The following ZAP70 variants were observed in gnomAD, a reference collection of about 807,000 sequenced individuals.
The protein encoded by ZAP70 is tyrosine-protein kinase ZAP-70.
Under a neutral mutation model 65.8 loss-of-function variants are expected in ZAP70, and 27 were observed. The observed-to-expected ratio is 0.41, with a 90% CI of 0.30 to 0.57. The LOEUF (loss-of-function observed/expected upper bound fraction) is 0.57. ZAP70 is among the 20% of genes least tolerant of loss of function. The pLI is 0.28. For missense variants in ZAP70, 696 were observed against 870.5 expected, an observed-to-expected ratio of 0.80 and a Z score of 2.52; for synonymous variants, 363 against 360.8, an observed-to-expected ratio of 1.01 and a Z score of -0.07.
chr2:97,738,485 C>G (rs1678004505), intron 13 of ZAP70: 3 of 323,250 alleles, frequency 9.3e-6, no homozygotes, highest in Non-Finnish European at 1.2e-5. Context: ...CACCAGCCAG[C>G]ACACAGCACC....
In ZAP70 at chr2:97,733,147, AGGCGGACG is replaced by A. The variant is rs1380109604; in HGVS notation, c.729_736del (p.Asp244HisfsTer49). The A allele has an allele frequency of 6.2e-7, 1 of 1,613,808 alleles. No individual in the cohort carries two copies. The highest frequency in any genetic ancestry group is 8.5e-7 in the Non-Finnish European group (1 of 1,180,016). On this transcript the variant is annotated frameshift_variant, in exon 6 of 14. Transcript: ENST00000264972. LOFTEE classifies it high-confidence loss of function. ...CAGCTGGTGGAGTATCTGAAGCTGAAGGCGGACGGGCTCATCTACTGCCTGAAGGAGGC... is the reference window on the plus strand; with the variant it reads ...CAGCTGGTGGAGTATCTGAAGCTGAAGGCTCATCTACTGCCTGAAGGAGGC...
intron 4 of ZAP70, among the ~76,000 whole-genome samples, chr2:97,729,686 T>C (rs2104677886): frequency 6.6e-6 from 1 of 152,104 alleles, no homozygotes; most frequent in Middle Eastern, 3.4e-3. Context: ...AAGTGCAAGT[T>C]CCAACTGCAA....
rs944986973 is a variant in ZAP70 at position 97,736,934 on chromosome 2, G to A, written c.1290-539G>A. ...AGGACAAGACAGTGGGAGACAGGAG[G>A]GAGCGAGGGCCTGGGCGGAGCTGAC... On this transcript the variant is annotated intron_variant, in intron 10 of 13. Transcript: ENST00000264972. The surrounding 1 kb of genome is among the most constrained non-coding windows in gnomAD (Gnocchi z 4.0). Among the ~76,000 whole-genome samples, 2 of 152,132 alleles carry A rather than the reference G, an allele frequency of 1.3e-5. No individual in the cohort carries two copies. The highest frequency in any genetic ancestry group is 6.5e-5 in the Admixed American group (1 of 15,278).
intron 13 of ZAP70, 49 bp downstream of exon 13, chr2:97,738,156 C>T (rs1677988766): frequency 1.5e-5 from 23 of 1,520,930 alleles, no homozygotes; most frequent in Non-Finnish European, 2.1e-5. Flanking sequence ...CCTGGAAAGT[C>T]CTGGTGCCCG....
chr2:97,729,033 G>A (rs1186146939), intron 4 of ZAP70, among the ~76,000 whole-genome samples: 5 of 152,240 alleles, frequency 3.3e-5, no homozygotes, highest in Non-Finnish European at 5.9e-5. Flanking sequence ...GATCACAGGC[G>A]TGAGCCACCG....
chr2:97,732,894 G>T lies in ZAP70; in HGVS notation c.575G>T (p.Arg192Leu). Residue 192 changes from arginine to leucine, a missense_variant, in exon 5 of 14, where the codon CGG becomes CTG. Coordinates refer to ENST00000264972, the MANE Select transcript of ZAP70 (RefSeq NM_001079.4). ...QTDGKFLLRP[R>L]KEQGTYALSL... ...CCTTCCCCTGCCAGGCTGAGGCCGC[G>T]GAAGGAGCAGGGCACATACGCCCTG... 6.2e-7 allele frequency: 1 copy of T among 1,613,938 alleles called. No homozygotes were observed. Among genetic ancestry groups the T allele is most frequent in the Non-Finnish European group, 8.5e-7 (1 of 1,180,028 alleles).
chr2:97,716,151 T>G (rs1050782845), intron 2 of ZAP70, among the ~76,000 whole-genome samples: 3 of 152,082 alleles, frequency 2.0e-5, no homozygotes, highest in Non-Finnish European at 4.4e-5. Context: ...GCAGCGCAGT[T>G]CTGGGCTGAG....
the ZAP70 span, among the ~76,000 whole-genome samples, chr2:97,746,945 T>C: frequency 3.3e-5 from 5 of 152,166 alleles, no homozygotes; most frequent in Non-Finnish European, 5.9e-5. Context: ...AGACATACCA[T>C]TGACTCATTA....
chr2:97,717,458 C>CG (rs1676980594), intron 2 of ZAP70, among the ~76,000 whole-genome samples: 1 of 124,648 alleles, frequency 8.0e-6, no homozygotes, highest in Non-Finnish European at 1.7e-5. Flanking sequence ...TGGGGGGACA[C>CG]GAGGAGCCTC....
chr2:97,737,021 G>C lies in ZAP70; in HGVS notation c.1290-452G>C, dbSNP rs1020891448. On this transcript the variant is annotated intron_variant, in intron 10 of 13. Transcript: ENST00000264972. The surrounding 1 kb of genome is among the most constrained non-coding windows in gnomAD (Gnocchi z 5.0). Reference sequence around the variant, plus strand: ...GCTGCTTCCCGGTGGCAGAGGCAGAGATGAGGAGTGCGGTGGATTCTGGAG... The same window carrying C: ...GCTGCTTCCCGGTGGCAGAGGCAGACATGAGGAGTGCGGTGGATTCTGGAG... Among the ~76,000 whole-genome samples, 2 of 152,138 alleles carry C rather than the reference G, an allele frequency of 1.3e-5. No homozygotes were observed. Among genetic ancestry groups the C allele is most frequent in the African/African-American group, 4.8e-5 (2 of 41,418 alleles).
Position 97,739,450 on chromosome 2 carries a change from G to A in ZAP70, c.1812G>A (p.Val604=), listed in dbSNP as rs1678053461. 1 of 1,613,682 alleles carries A rather than the reference G, an allele frequency of 6.2e-7. No homozygotes were observed. The highest frequency in any genetic ancestry group is 8.5e-7 in the Non-Finnish European group (1 of 1,179,940). Residue 604 remains valine, a synonymous_variant, in exon 14 of 14, where the codon GTG becomes GTA. Coordinates refer to ENST00000264972, the MANE Select transcript of ZAP70 (RefSeq NM_001079.4). ...RACYYSLASK[V]EGPPGSTQKA... is the part of the protein sequence containing the mutation. ...GTTACTACAGCCTGGCCAGCAAGGT[G>A]GAAGGGCCCCCAGGCAGCACACAGA...
chr2:97,722,062 C>T (rs34516173), intron 2 of ZAP70, among the ~76,000 whole-genome samples: 23,489 of 149,820 alleles, frequency 0.16, 2,482 homozygotes, highest in Middle Eastern at 0.3. Context: ...GGATTACAGG[C>T]GTGAGCCACC....
At chr2:97,734,214 G>T (rs1278788992) in intron 8 of ZAP70, 1 of 578,036 alleles carries the variant, frequency 1.7e-6, no homozygotes, top group African/African-American at 1.9e-5. Flanking sequence ...CCCGGCCATA[G>T]GCGTACACGT....
Position 97,723,948 on chromosome 2 carries a change from G to T in ZAP70, c.-21-68G>T. The T allele has an allele frequency of 8.6e-6, 13 of 1,516,546 alleles. No homozygotes were observed. In the South Asian group the frequency reaches 1.6e-4, roughly 18 times the overall value. 93.9% of individuals were successfully genotyped at this position (1,516,546 alleles called of 1,614,324 possible). A position where few individuals can be genotyped will look rare whatever the true frequency, so the allele number is the denominator to read the frequency against. Reference sequence around the variant, plus strand: ...CCCTCCACTTGGCGTCTCTCGCGCCGTCTTTGGGCCCAACGCACCAGGTTC... The same window carrying T: ...CCCTCCACTTGGCGTCTCTCGCGCCTTCTTTGGGCCCAACGCACCAGGTTC... On this transcript the variant is annotated intron_variant, in intron 2 of 13. Coordinates refer to ENST00000264972, the MANE Select transcript of ZAP70 (RefSeq NM_001079.4).
chr2:97,724,006 G>A lies in ZAP70; in HGVS notation c.-21-10G>A. 3 of 1,540,194 alleles carry A rather than the reference G, an allele frequency of 1.9e-6. No homozygotes were observed. The highest frequency in any genetic ancestry group is 1.9e-5 in the Admixed American group (1 of 51,666). ...CCCTGACGTGCCTCCGACCCTCTGTGAACCCGCAGGTTTCGGGAGGCCCAG... is the reference window on the plus strand; with the variant it reads ...CCCTGACGTGCCTCCGACCCTCTGTAAACCCGCAGGTTTCGGGAGGCCCAG... On this transcript the variant is annotated splice_polypyrimidine_tract_variant and intron_variant, in intron 2 of 13. Coordinates refer to ENST00000264972, the MANE Select transcript of ZAP70 (RefSeq NM_001079.4).
At position 97,739,632 on chromosome 2, in the gene ZAP70, C is replaced by A; in HGVS notation, c.*134C>A. The A allele has an allele frequency of 4.4e-6, 6 of 1,360,072 alleles. No individual in the cohort carries two copies. The highest frequency in any genetic ancestry group is 6.0e-6 in the Non-Finnish European group (6 of 1,005,520). 84.3% of individuals were successfully genotyped at this position (1,360,072 alleles called of 1,614,324 possible). The stretch of plus-strand genomic sequence containing the variant: ...GGGCTGTGGTAGGGGGTGTCTCAGG[C>A]CACACCGGCCTTGCATTGCCTGCCT... On this transcript the variant is annotated 3_prime_UTR_variant, in exon 14 of 14. Transcript: ENST00000264972.
chr2:97,732,198 G>A (rs1237772179), intron 4 of ZAP70, among the ~76,000 whole-genome samples: 1 of 152,196 alleles, frequency 6.6e-6, no homozygotes, highest in Non-Finnish European at 1.5e-5. Context: ...CAAAATTCCA[G>A]CAGAAGGCAA....
Position 97,724,436 on chromosome 2 carries a change from G to C in ZAP70, c.400G>C (p.Glu134Gln), listed in dbSNP as rs1381290076. The stretch of plus-strand genomic sequence containing the variant: ...CTACGTGCGCCAGACGTGGAAGCTG[G>C]AGGTGAGAGCGCAGCCTGGGGCGCG... ...RDYVRQTWKL[E>Q]GEALEQAIIS... Residue 134 changes from glutamate (E) to glutamine (Q), a missense_variant and splice_region_variant, in exon 3 of 14, where the codon GAG (glutamate) becomes CAG (glutamine). Physicochemically the swap from Glu to Gln is conservative, Grantham distance 29. Coordinates refer to ENST00000264972, the MANE Select transcript of ZAP70 (RefSeq NM_001079.4). The C allele has an allele frequency of 6.5e-7, 1 of 1,534,360 alleles. No homozygotes were observed.
intron 2 of ZAP70, among the ~76,000 whole-genome samples, chr2:97,719,989 C>T (rs1355857131): frequency 1.3e-5 from 2 of 152,136 alleles, no homozygotes; most frequent in African/African-American, 4.8e-5. Context: ...CTTTGCGATG[C>T]GTTTGCGGAA....
Sources: allele counts gnomAD v4.1 joint callset (sites outside exome capture counted in the v4.1 genomes callset), GRCh38; gene constraint gnomAD v4.1.1; non-coding constraint Gnocchi (gnomAD v3.1); transcripts MANE v1.5; gene names NCBI Gene and HGNC (gene_info 2026-07-23, HGNC 2026-07-21).